The following SLC24A3 variants were observed in gnomAD, a reference collection of about 807,000 sequenced individuals.
The protein encoded by SLC24A3 is solute carrier family 24 member 3.
Under a neutral mutation model 75.8 loss-of-function variants are expected in SLC24A3, and 28 were observed. The observed-to-expected ratio is 0.37, with a 90% CI of 0.27 to 0.51. The LOEUF is 0.51. Ranked by LOEUF, SLC24A3 falls within the 20% of genes least tolerant of loss-of-function variation. The probability of loss-of-function intolerance (pLI) is 0.94; values close to 1 mark genes in which losing one functional copy is unlikely to be tolerated. For missense variants in SLC24A3, 663 were observed against 847.8 expected (o/e 0.78, Z 2.71); for synonymous variants, 372 against 334.1 (o/e 1.11, Z -1.24).
At chr20:19,429,010 C>T (rs1233114965) in intron 2 of SLC24A3, among the ~76,000 whole-genome samples, 1 of 152,196 alleles carries the variant, frequency 6.6e-6, no homozygotes, top group Non-Finnish European at 1.5e-5. Context: ...CCCTCCCCCT[C>T]CAGTGTTTCT....
At chr20:19,627,249 C>G (rs1052156633) in intron 6 of SLC24A3, among the ~76,000 whole-genome samples, 2 of 152,326 alleles carry the variant, frequency 1.3e-5, no homozygotes, top group African/African-American at 4.8e-5. Flanking sequence ...AGAAGTGGTA[C>G]AACCGCACAT....
At chr20:19,220,975 C>T (rs1394210321) in intron 1 of SLC24A3, among the ~76,000 whole-genome samples, 1 of 152,208 alleles carries the variant, frequency 6.6e-6, no homozygotes, top group Admixed American at 6.5e-5. Flanking sequence ...AATTTCCTGT[C>T]CTGGATGTGA....
At chr20:19,623,520 G>A (rs1253588387) in intron 6 of SLC24A3, among the ~76,000 whole-genome samples, 1 of 152,108 alleles carries the variant, frequency 6.6e-6, no homozygotes, top group Non-Finnish European at 1.5e-5. Context: ...ATGCCATCTA[G>A]AATTCTGCTG....
intron 6 of SLC24A3, among the ~76,000 whole-genome samples, chr20:19,650,502 A>G (rs1168364689): frequency 6.6e-6 from 1 of 152,148 alleles, no homozygotes; most frequent in African/African-American, 2.4e-5. Context: ...ACTGCTTTCC[A>G]TTAGTTTGCC....
At chr20:19,370,244 A>G (rs1985968657) in intron 2 of SLC24A3, among the ~76,000 whole-genome samples, 1 of 152,212 alleles carries the variant, frequency 6.6e-6, no homozygotes, top group African/African-American at 2.4e-5. Flanking sequence ...TTGATGATTC[A>G]CTACTTTCTG....
At chr20:19,242,835 A>G (rs760903008) in intron 1 of SLC24A3, among the ~76,000 whole-genome samples, 12 of 152,232 alleles carry the variant, frequency 7.9e-5, no homozygotes, top group Non-Finnish European at 1.5e-4. Context: ...ATTTGCATGT[A>G]TAGATAATTA....
Position 19,664,738 on chromosome 20 carries a change from G to A in SLC24A3, c.688-1126G>A, listed in dbSNP as rs114569896. Among the ~76,000 whole-genome samples, 538 of 152,328 alleles carry A rather than the reference G, an allele frequency of 3.5e-3. 1 individual carries two copies. Among genetic ancestry groups the A allele is most frequent in the African/African-American group, 0.012 (519 of 41,574 alleles). On this transcript the variant is annotated intron_variant, in intron 7 of 16. Transcript: ENST00000328041. ...GGCTGCTGCCTCTAAAGGAAAGGCC[G>A]CTCTGAGACGACCATACTCAAAGCA...
At chr20:19,240,021 G>C (rs550149806) in intron 1 of SLC24A3, among the ~76,000 whole-genome samples, 3 of 152,198 alleles carry the variant, frequency 2.0e-5, no homozygotes, top group Non-Finnish European at 4.4e-5. Context: ...GAGATGATCA[G>C]TTTAACCAGG....
At chr20:19,404,370 C>A (rs1986604713) in intron 2 of SLC24A3, among the ~76,000 whole-genome samples, 1 of 152,012 alleles carries the variant, frequency 6.6e-6, no homozygotes. Flanking sequence ...GCACTGTGGA[C>A]AAATAAAAAC....
At chr20:19,258,233 C>A (rs1279899867) in intron 1 of SLC24A3, among the ~76,000 whole-genome samples, 1 of 152,246 alleles carries the variant, frequency 6.6e-6, no homozygotes, top group Non-Finnish European at 1.5e-5. Context: ...CCTCACAGCT[C>A]TTCTTCCCAC....
chr20:19,632,335 C>T (rs892233252), intron 6 of SLC24A3, among the ~76,000 whole-genome samples: 8 of 152,250 alleles, frequency 5.3e-5, no homozygotes, highest in Non-Finnish European at 8.8e-5. Context: ...ATCGAGGTGT[C>T]GGTAGGAATG....
chr20:19,397,650 T>A, intron 2 of SLC24A3, among the ~76,000 whole-genome samples: 2 of 41,358 alleles, frequency 4.8e-5, no homozygotes, highest in East Asian at 6.3e-4. Context: ...TTCTTTTCTT[T>A]TTTTTTTTTT....
chr20:19,321,541 G>T (rs1331126014), intron 2 of SLC24A3, among the ~76,000 whole-genome samples: 2 of 152,158 alleles, frequency 1.3e-5, no homozygotes, highest in African/African-American at 4.8e-5. Flanking sequence ...AACATTAAAA[G>T]CCACTTCTAT....
At chr20:19,528,135 A>T (rs1222517164) in intron 3 of SLC24A3, among the ~76,000 whole-genome samples, 1 of 152,146 alleles carries the variant, frequency 6.6e-6, no homozygotes, top group African/African-American at 2.4e-5. Flanking sequence ...AGGCTCCTGA[A>T]AATTTTCCCA....
intron 3 of SLC24A3, among the ~76,000 whole-genome samples, chr20:19,535,152 T>C (rs1302894754): frequency 1.3e-5 from 2 of 152,236 alleles, no homozygotes; most frequent in Non-Finnish European, 2.9e-5. Flanking sequence ...TGATCTCAGC[T>C]CAGCTCTCAA....
At chr20:19,609,370 AT>A (rs75537278) in intron 6 of SLC24A3, among the ~76,000 whole-genome samples, 1 of 151,644 alleles carries the variant, frequency 6.6e-6, no homozygotes, top group Admixed American at 6.6e-5. Context: ...AGAAATCTTA[AT>A]TTTTTAGTAT....
chr20:19,546,626 G>C (rs114164259), intron 3 of SLC24A3, among the ~76,000 whole-genome samples: 3 of 152,156 alleles, frequency 2.0e-5, no homozygotes, highest in Admixed American at 1.3e-4. Flanking sequence ...GAGGGGAAAG[G>C]GGGTGGGGGG....
At position 19,280,955 on chromosome 20, in the gene SLC24A3, C is replaced by T. The variant is rs373518138; in HGVS notation, c.143-4C>T. ...ATGTGTGGTTATTGTCTTTGTCTCC[C>T]CAGAGCTTGACCTCATGGACCTCGT... On this transcript the variant is annotated splice_region_variant and splice_polypyrimidine_tract_variant and intron_variant, in intron 1 of 16. Coordinates refer to ENST00000328041, the MANE Select transcript of SLC24A3 (RefSeq NM_020689.4). 1.2e-6 allele frequency: 2 copies of T among 1,613,226 alleles called. No individual in the cohort carries two copies. Among genetic ancestry groups the T allele is most frequent in the African/African-American group, 2.7e-5 (2 of 75,000 alleles).
intron 6 of SLC24A3, among the ~76,000 whole-genome samples, chr20:19,600,329 G>A (rs184218905): frequency 2.0e-5 from 3 of 152,134 alleles, no homozygotes; most frequent in Non-Finnish European, 2.9e-5. Flanking sequence ...TCATATGAAG[G>A]CTTCAGGAGG....
Sources: allele counts gnomAD v4.1 joint callset (sites outside exome capture counted in the v4.1 genomes callset), GRCh38; gene constraint gnomAD v4.1.1; transcripts MANE v1.5; gene names NCBI Gene and HGNC (gene_info 2026-07-23, HGNC 2026-07-21).